ACVR1B: variants seen among roughly 807,000 people sequenced by gnomAD.
ACVR1B encodes activin A receptor type 1B, also known as activin receptor type-1B.
In ACVR1B, 15 loss-of-function variants were observed where a neutral mutation model predicts 55.6. The ratio of observed to expected loss-of-function variants is 0.27; its 90% CI spans 0.18 to 0.42. ACVR1B has a LOEUF of 0.42. Ranked by LOEUF, ACVR1B falls within the 10% of genes least tolerant of loss-of-function variation. The pLI is 1.00. For missense variants in ACVR1B, 359 were observed against 670.1 expected (o/e 0.54, Z 5.13); for synonymous variants, 247 against 254.6 (o/e 0.97, Z 0.28).
At chr12:51,967,697 C>T (rs1386424149) in intron 1 of ACVR1B, among the ~76,000 whole-genome samples, 5 of 152,314 alleles carry the variant, frequency 3.3e-5, no homozygotes, top group African/African-American at 1.2e-4. Flanking sequence ...GCTTTATATA[C>T]TGATTATCTT....
intron 7 of ACVR1B, among the ~76,000 whole-genome samples, chr12:51,991,240 A>G (rs1241338844): frequency 6.6e-6 from 1 of 152,060 alleles, no homozygotes; most frequent in Non-Finnish European, 1.5e-5. Context: ...ATTTGTTTCC[A>G]TTGAAGTTAT....
chr12:51,983,413 A>C (rs1164653900), intron 4 of ACVR1B, among the ~76,000 whole-genome samples: 1 of 152,206 alleles, frequency 6.6e-6, no homozygotes, highest in Non-Finnish European at 1.5e-5. Context: ...TTTGGCCTGG[A>C]ATCCAATAAT....
At chr12:51,955,195 A>G (rs1941385036) in intron 1 of ACVR1B, among the ~76,000 whole-genome samples, 1 of 152,246 alleles carries the variant, frequency 6.6e-6, no homozygotes, top group South Asian at 2.1e-4. Context: ...GACTGTGAAC[A>G]CAGGAAGGTT....
At position 51,996,145 on chromosome 12, in the gene ACVR1B, A is replaced by G. The variant is rs1469576475; in HGVS notation, c.*2035A>G. The G allele has an allele frequency of 1.3e-5, 2 of 152,432 alleles. No individual in the cohort carries two copies. Among genetic ancestry groups the G allele is most frequent in the Non-Finnish European group, 2.9e-5 (2 of 68,222 alleles). 9.4% of individuals were successfully genotyped at this position (152,432 alleles called of 1,614,324 possible). ...GGAACCCCCACAACCCCCTCCACAA[A>G]GAGACCAGGGGCGGGTGATGAGACC... On this transcript the variant is annotated 3_prime_UTR_variant, in exon 9 of 9. Coordinates refer to ENST00000257963, the MANE Select transcript of ACVR1B (RefSeq NM_004302.5).
In ACVR1B at chr12:51,975,437, G is replaced by A. The variant is rs2120600789; in HGVS notation, c.264G>A (p.Glu88=). The stretch of plus-strand genomic sequence containing the variant: ...AGCCCTTCTACTGCCTGAGCTCGGA[G>A]GACCTGCGCAACACCCACTGCTGCT... ...AGKPFYCLSS[E]DLRNTHCCYT... is the part of the protein sequence containing the mutation. The change falls in exon 2 of 9, where the codon GAG becomes GAA. Residue 88 remains glutamate, a synonymous_variant. Coordinates refer to ENST00000257963, the MANE Select transcript of ACVR1B (RefSeq NM_004302.5). 6.2e-7 allele frequency: 1 copy of A among 1,614,202 alleles called. No homozygotes were observed.
intron 1 of ACVR1B, among the ~76,000 whole-genome samples, chr12:51,967,958 G>T (rs1941673136): frequency 6.6e-6 from 1 of 152,232 alleles, no homozygotes; most frequent in South Asian, 2.1e-4. Context: ...TTTCTGGCTG[G>T]GCGCGGTGGC....
intron 1 of ACVR1B, among the ~76,000 whole-genome samples, chr12:51,972,550 C>T (rs954339826): frequency 1.4e-4 from 22 of 152,282 alleles, no homozygotes; most frequent in African/African-American, 5.3e-4. Flanking sequence ...GTTCACACAG[C>T]AACAAAATTG....
At chr12:51,967,789 A>G (rs1041422628) in intron 1 of ACVR1B, among the ~76,000 whole-genome samples, 13 of 152,208 alleles carry the variant, frequency 8.5e-5, no homozygotes, top group African/African-American at 2.9e-4. Context: ...TGTGAGCCCA[A>G]GAAACTTGCC....
At chr12:51,979,231 C>T (rs1351308992) in intron 3 of ACVR1B, among the ~76,000 whole-genome samples, 1 of 148,402 alleles carries the variant, frequency 6.7e-6, no homozygotes, top group Admixed American at 6.7e-5. Flanking sequence ...TTTGGGAGGC[C>T]GAGGCGGGTA....
At chr12:51,959,079 G>A (rs1941466151) in intron 1 of ACVR1B, among the ~76,000 whole-genome samples, 1 of 152,240 alleles carries the variant, frequency 6.6e-6, no homozygotes, top group African/African-American at 2.4e-5. Context: ...AAGCAGTTGT[G>A]CCTACTACAG....
At chr12:51,977,312 T>C (rs1196231039) in intron 3 of ACVR1B, among the ~76,000 whole-genome samples, 1 of 152,184 alleles carries the variant, frequency 6.6e-6, no homozygotes, top group Non-Finnish European at 1.5e-5. Flanking sequence ...TATTTATTTA[T>C]TTAGAAACAG....
chr12:51,952,981 A>G (rs1227775847), intron 1 of ACVR1B, among the ~76,000 whole-genome samples: 1 of 152,122 alleles, frequency 6.6e-6, no homozygotes, highest in Non-Finnish European at 1.5e-5. Flanking sequence ...ATGAAACCCT[A>G]AAATATTTCA....
intron 1 of ACVR1B, among the ~76,000 whole-genome samples, chr12:51,965,088 G>A (rs887599239): frequency 1.3e-5 from 2 of 152,094 alleles, no homozygotes; most frequent in African/African-American, 4.8e-5. Context: ...TTTACTCTAT[G>A]TGTAATTTAT....
intron 1 of ACVR1B, among the ~76,000 whole-genome samples, chr12:51,965,540 A>AT (rs1328603673): frequency 3.3e-5 from 5 of 152,304 alleles, no homozygotes; most frequent in African/African-American, 1.2e-4. Context: ...TAGGTTGGAG[A>AT]TATTAGAGTA....
chr12:51,962,912 G>A (rs1021261038), intron 1 of ACVR1B, among the ~76,000 whole-genome samples: 4 of 152,216 alleles, frequency 2.6e-5, no homozygotes, highest in African/African-American at 7.2e-5. Context: ...TTTGCCAGGT[G>A]CTGTACTAGA....
At chr12:51,971,804 T>G (rs894785097) in intron 1 of ACVR1B, among the ~76,000 whole-genome samples, 3 of 152,178 alleles carry the variant, frequency 2.0e-5, no homozygotes, top group African/African-American at 7.2e-5. Context: ...AGTGTGAACT[T>G]AAAAACAAAA....
In ACVR1B at chr12:51,975,296, G is replaced by A. The variant is rs143851615; in HGVS notation, c.123G>A (p.Gln41=). The change falls in exon 2 of 9, where the codon CAG becomes CAA. Residue 41 remains glutamine, a synonymous_variant. Transcript: ENST00000257963. ...TGTGTGCGTGCACCAGCTGCCTCCAGGCCAACTACACGTGTGAGACAGATG... is the reference window on the plus strand; with the variant it reads ...TGTGTGCGTGCACCAGCTGCCTCCAAGCCAACTACACGTGTGAGACAGATG... ...ALLCACTSCL[Q]ANYTCETDGA... 4,093 of 1,613,628 alleles carry A rather than the reference G, an allele frequency of 2.5e-3. 8 individuals carry two copies. Among genetic ancestry groups the A allele is most frequent in the Non-Finnish European group, 3.2e-3 (3,781 of 1,180,006 alleles).
intron 1 of ACVR1B, among the ~76,000 whole-genome samples, chr12:51,967,065 C>T (rs1004539636): frequency 3.3e-5 from 5 of 151,182 alleles, no homozygotes; most frequent in Non-Finnish European, 4.4e-5. Flanking sequence ...ATGGTGAAAC[C>T]CCGTCTCTAC....
chr12:51,966,383 T>C (rs1197601804), intron 1 of ACVR1B, among the ~76,000 whole-genome samples: 1 of 152,288 alleles, frequency 6.6e-6, no homozygotes, highest in Admixed American at 6.5e-5. Flanking sequence ...AACCTATAGA[T>C]TGAAAAAGGT....
Sources: allele counts gnomAD v4.1 joint callset (sites outside exome capture counted in the v4.1 genomes callset), GRCh38; gene constraint gnomAD v4.1.1; transcripts MANE v1.5; gene names NCBI Gene and HGNC (gene_info 2026-07-23, HGNC 2026-07-21).